The following FMO4 variants were observed in gnomAD, a reference collection of about 807,000 sequenced individuals.
FMO4 encodes dimethylaniline monooxygenase [N-oxide-forming] 4.
Under a neutral mutation model 43.3 loss-of-function variants are expected in FMO4, and 38 were observed. The observed-to-expected ratio is 0.88, with a 90% CI of 0.68 to 1.15. The LOEUF is 1.15. Ranked by LOEUF, FMO4 falls within the 50% of genes most tolerant of loss-of-function variation. The pLI is 0.00. For synonymous variants in FMO4, 224 were observed against 232.2 expected (o/e 0.96, Z 0.32); for missense variants, 631 against 663.3 (o/e 0.95, Z 0.54).
In FMO4 at chr1:171,319,867, C is replaced by T; in HGVS notation, c.42C>T (p.Gly14=). 1.2e-6 allele frequency: 2 copies of T among 1,613,834 alleles called. No individual in the cohort carries two copies. Among genetic ancestry groups the T allele is most frequent in the Non-Finnish European group, 1.7e-6 (2 of 1,179,758 alleles). Residue 14 remains glycine (G), a synonymous_variant, in exon 3 of 10, where the codon GGC becomes GGT. Transcript: ENST00000367749. ...CAGTGATTGGAGCTGGTGTGAGTGGCCTCTCCTCCATCAAATGCTGTGTGG... is the reference window on the plus strand; with the variant it reads ...CAGTGATTGGAGCTGGTGTGAGTGGTCTCTCCTCCATCAAATGCTGTGTGG... ...KVAVIGAGVS[G]LSSIKCCVDE...
chr1:171,327,390 A>G (rs577050202), intron 5 of FMO4, among the ~76,000 whole-genome samples: 1 of 152,214 alleles, frequency 6.6e-6, no homozygotes, highest in East Asian at 1.9e-4. Flanking sequence ...GAGTTCCCAT[A>G]CAGGCTCTGC....
intron 2 of FMO4, among the ~76,000 whole-genome samples, chr1:171,317,618 ATG>A (rs977180019): frequency 1.3e-5 from 2 of 152,180 alleles, no homozygotes; most frequent in Non-Finnish European, 2.9e-5. Flanking sequence ...CTATATCTCC[ATG>A]TGTGTGTATG....
At chr1:171,317,645 A>G (rs571297877) in intron 2 of FMO4, among the ~76,000 whole-genome samples, 1 of 152,220 alleles carries the variant, frequency 6.6e-6, no homozygotes, top group African/African-American at 2.4e-5. Flanking sequence ...TACTTCCTCC[A>G]GTTCCCGCTG....
chr1:171,331,601 T>G, intron 5 of FMO4, 39 bp from the exon 6 acceptor site: 1 of 1,605,452 alleles, frequency 6.2e-7, no homozygotes, highest in Non-Finnish European at 8.5e-7. Flanking sequence ...AATTATAACT[T>G]TAGACATTTC....
chr1:171,340,903 ATAAT>A (rs1177981714), intron 9 of FMO4, among the ~76,000 whole-genome samples: 1 of 152,160 alleles, frequency 6.6e-6, no homozygotes. Flanking sequence ...AAAATTAAAA[ATAAT>A]TAAGATTTTA....
intron 5 of FMO4, among the ~76,000 whole-genome samples, chr1:171,328,702 TCCTTAGA>T (rs1233653373): frequency 7.9e-5 from 12 of 151,854 alleles, no homozygotes; most frequent in African/African-American, 2.9e-4. Context: ...GTCCTCACAT[TCCTTAGA>T]CCTTAGACCT....
intron 9 of FMO4, 127 bp downstream of exon 9, chr1:171,337,552 C>T: frequency 1.5e-6 from 1 of 679,664 alleles, no homozygotes; most frequent in South Asian, 1.7e-5. Context: ...CATTAGGAAT[C>T]AGAAGGATAC....
At chr1:171,338,912 G>A (rs1162846077) in intron 9 of FMO4, among the ~76,000 whole-genome samples, 1 of 152,090 alleles carries the variant, frequency 6.6e-6, no homozygotes, top group Non-Finnish European at 1.5e-5. Flanking sequence ...GACACTTAAT[G>A]TTCATTTATT....
intron 3 of FMO4, among the ~76,000 whole-genome samples, chr1:171,321,059 A>G (rs537150110): frequency 6.6e-6 from 1 of 151,992 alleles, no homozygotes; most frequent in African/African-American, 2.4e-5. Flanking sequence ...GAAAAAAAAA[A>G]TGGTATATTG....
In FMO4 at chr1:171,334,444, G is replaced by A. The variant is rs1468969900; in HGVS notation, c.861G>A (p.Leu287=). ...KKAKFIVNDE[L]PNCILCGAIT... Reference sequence around the variant, plus strand: ...CAAAATTCATTGTGAATGATGAGCTGCCAAACTGTATCCTCTGTGGGGCAA... The same window carrying A: ...CAAAATTCATTGTGAATGATGAGCTACCAAACTGTATCCTCTGTGGGGCAA... Residue 287 remains leucine, a synonymous_variant, in exon 8 of 10, where the codon CTG becomes CTA. Coordinates refer to ENST00000367749, the MANE Select transcript of FMO4 (RefSeq NM_002022.3). 1.7e-5 allele frequency: 27 copies of A among 1,598,086 alleles called. No homozygotes were observed. Among genetic ancestry groups the A allele is most frequent in the Admixed American group, 3.6e-5 (2 of 56,210 alleles).
intron 9 of FMO4, among the ~76,000 whole-genome samples, chr1:171,339,838 G>A (rs1346944733): frequency 3.3e-5 from 5 of 152,160 alleles, no homozygotes; most frequent in African/African-American, 7.2e-5. Context: ...CAATTATCTG[G>A]ATGCTAGGAT....
intron 5 of FMO4, among the ~76,000 whole-genome samples, chr1:171,326,147 G>C (rs571719583): frequency 6.6e-6 from 1 of 151,838 alleles, no homozygotes; most frequent in Non-Finnish European, 1.5e-5. Context: ...TTAAGATTCT[G>C]TTTCTGCTTT....
chr1:171,322,953 T>C, intron 3 of FMO4, 51 bp from the exon 4 acceptor site: 3 of 1,407,630 alleles, frequency 2.1e-6, no homozygotes, highest in Non-Finnish European at 3.0e-6. Context: ...ATCTCTGTTC[T>C]CTTCCTCCTA....
At chr1:171,318,289 C>G (rs561850791) in intron 2 of FMO4, among the ~76,000 whole-genome samples, 5 of 150,724 alleles carry the variant, frequency 3.3e-5, no homozygotes, top group Non-Finnish European at 7.4e-5. Flanking sequence ...TGCACTCCAG[C>G]CTGGGTGACA....
rs749827578 is a variant in FMO4, at chr1:171,319,824, C to A, written c.-2C>A. On this transcript the variant is annotated 5_prime_UTR_variant, in exon 3 of 10. Transcript: ENST00000367749. ...CTTGACTTTCCTCTAACAGAGCATA[C>A]CATGGCCAAGAAAGTTGCAGTGATT... 13 of 1,613,674 alleles carry A rather than the reference C, an allele frequency of 8.1e-6. No individual in the cohort carries two copies. The Admixed American group carries it at 1.8e-4, about 23-fold the overall frequency.
At chr1:171,316,606 A>T (rs763883542) in intron 2 of FMO4, among the ~76,000 whole-genome samples, 1 of 152,184 alleles carries the variant, frequency 6.6e-6, no homozygotes, top group Non-Finnish European at 1.5e-5. Context: ...GTAGCAGAGA[A>T]AGTTCAAACC....
rs375743555 is a variant in FMO4, at chr1:171,323,096, C to G, written c.225C>G (p.His75Gln). Residue 75 changes from histidine to glutamine, a missense_variant, in exon 4 of 10, where the codon CAC becomes CAG. His to Gln is a conservative substitution (Grantham distance 24). Transcript: ENST00000367749. Reference protein sequence around the residue: ...EMSCYSDFPFHEDYPNFMNHE... With the variant: ...EMSCYSDFPFQEDYPNFMNHE... ...CATGTTACAGTGACTTCCCTTTCCA[C>G]GAAGATTATCCTAATTTCATGAACC... 3 of 1,612,810 alleles carry G rather than the reference C, an allele frequency of 1.9e-6. No homozygotes were observed. Among genetic ancestry groups the G allele is most frequent in the Admixed American group, 1.7e-5 (1 of 59,954 alleles).
At chr1:171,330,958 A>G (rs762306680) in intron 5 of FMO4, among the ~76,000 whole-genome samples, 15 of 152,232 alleles carry the variant, frequency 9.9e-5, no homozygotes, top group Non-Finnish European at 1.8e-4. Context: ...CATACTGCAT[A>G]ATAACACATC....
chr1:171,337,460 A>T, intron 9 of FMO4, 35 bp downstream of exon 9: 1 of 1,376,284 alleles, frequency 7.3e-7, no homozygotes, highest in Non-Finnish European at 1.0e-6. Flanking sequence ...GCAAACTTAC[A>T]GTATATTCTG....
Sources: allele counts gnomAD v4.1 joint callset (sites outside exome capture counted in the v4.1 genomes callset), GRCh38; gene constraint gnomAD v4.1.1; transcripts MANE v1.5; gene names NCBI Gene and HGNC (gene_info 2026-07-23, HGNC 2026-07-21).